The following ATRNL1 variants were observed in gnomAD, a reference collection of about 807,000 sequenced individuals.
ATRNL1 encodes attractin like 1.
In ATRNL1, 95 loss-of-function variants were observed where a neutral mutation model predicts 182.7. The observed-to-expected ratio is 0.52, with a 90% confidence interval of 0.44 to 0.62. ATRNL1 has a LOEUF of 0.62. ATRNL1 is among the 20% of genes least tolerant of loss of function. The probability of loss-of-function intolerance (pLI) is 0.00; values close to 1 mark genes in which losing one functional copy is unlikely to be tolerated. For missense variants in ATRNL1, 1,471 were observed against 1,679.5 expected (o/e 0.88, Z 2.17); for synonymous variants, 576 against 568.3 (o/e 1.01, Z -0.19).
chr10:115,160,273 C>CTT (rs1240378346), intron 6 of ATRNL1, 59 bp downstream of exon 6: 10 of 1,286,932 alleles, frequency 7.8e-6, no homozygotes, highest in East Asian at 2.8e-5. Flanking sequence ...TCCAAAATGT[C>CTT]TTTTTTTTTT....
intron 8 of ATRNL1, among the ~76,000 whole-genome samples, chr10:115,187,831 G>C (rs1402819844): frequency 1.3e-5 from 2 of 151,350 alleles, no homozygotes; most frequent in African/African-American, 4.8e-5. Flanking sequence ...ACAGGTGCGC[G>C]CCAGCATGCC....
chr10:115,620,100 C>T (rs782267527), intron 26 of ATRNL1, among the ~76,000 whole-genome samples: 37 of 152,136 alleles, frequency 2.4e-4, no homozygotes, highest in Middle Eastern at 3.2e-3. Flanking sequence ...AGTCTGTAGA[C>T]GTGTGACACT....
intron 19 of ATRNL1, among the ~76,000 whole-genome samples, chr10:115,335,470 G>A (rs1260556331): frequency 1.3e-5 from 2 of 152,170 alleles, no homozygotes; most frequent in Non-Finnish European, 2.9e-5. Flanking sequence ...GTTGTAGGGT[G>A]ATTCTTAGGT....
At chr10:115,855,759 C>G (rs919640011) in intron 28 of ATRNL1, among the ~76,000 whole-genome samples, 1 of 152,160 alleles carries the variant, frequency 6.6e-6, no homozygotes, top group African/African-American at 2.4e-5. Flanking sequence ...AAGCCCAAAA[C>G]TGTACTTTCA....
chr10:115,143,905 T>G (rs1564771151), intron 5 of ATRNL1, among the ~76,000 whole-genome samples: 2 of 152,032 alleles, frequency 1.3e-5, no homozygotes. Context: ...TACTATCACG[T>G]TGGGAGTTAG....
At chr10:115,756,899 C>T (rs1195224333) in intron 27 of ATRNL1, among the ~76,000 whole-genome samples, 1 of 152,124 alleles carries the variant, frequency 6.6e-6, no homozygotes, top group Non-Finnish European at 1.5e-5. Context: ...TTGCATTGAT[C>T]CCTTTACCAT....
chr10:115,390,450 T>C (rs1441043504), intron 19 of ATRNL1, among the ~76,000 whole-genome samples: 1 of 152,182 alleles, frequency 6.6e-6, no homozygotes, highest in East Asian at 1.9e-4. Context: ...CTTTTCTCCA[T>C]TGTGTGTTCT....
intron 10 of ATRNL1, among the ~76,000 whole-genome samples, chr10:115,261,383 T>C (rs1851386139): frequency 1.3e-5 from 2 of 152,154 alleles, no homozygotes; most frequent in Admixed American, 1.3e-4. Flanking sequence ...AGATGAAATC[T>C]AAGAAATGGA....
chr10:115,394,563 C>A, intron 19 of ATRNL1, 96 bp from the exon 20 acceptor site: 1 of 924,386 alleles, frequency 1.1e-6, no homozygotes, highest in Non-Finnish European at 1.7e-6. Context: ...GAGGAAGTTA[C>A]AGGACATAAA....
intron 27 of ATRNL1, among the ~76,000 whole-genome samples, chr10:115,769,330 C>T (rs1555075777): frequency 6.6e-6 from 1 of 152,076 alleles, no homozygotes; most frequent in Non-Finnish European, 1.5e-5. Flanking sequence ...ATTTTCATTT[C>T]CCTGAATATT....
chr10:115,105,922 C>G (rs1843989833), intron 1 of ATRNL1, among the ~76,000 whole-genome samples: 1 of 152,132 alleles, frequency 6.6e-6, no homozygotes, highest in African/African-American at 2.4e-5. Context: ...GGGGTTGGAG[C>G]CCCCACACAG....
chr10:115,711,268 G>T (rs1431277093), intron 26 of ATRNL1, among the ~76,000 whole-genome samples: 1 of 152,056 alleles, frequency 6.6e-6, no homozygotes, highest in East Asian at 1.9e-4. Context: ...AATACATTAA[G>T]GTATGCTGCC....
chr10:115,626,525 C>T (rs540788101), intron 26 of ATRNL1, among the ~76,000 whole-genome samples: 14 of 152,178 alleles, frequency 9.2e-5, no homozygotes, highest in South Asian at 8.3e-4. Context: ...AAGTTAATAC[C>T]ATAGATTTTC....
intron 24 of ATRNL1, among the ~76,000 whole-genome samples, chr10:115,517,938 A>T (rs1326127922): frequency 6.6e-6 from 1 of 151,788 alleles, no homozygotes. Flanking sequence ...CCTATAACCA[A>T]TCTCCTATGC....
chr10:115,488,739 A>G (rs923569063), intron 24 of ATRNL1, among the ~76,000 whole-genome samples: 2 of 151,690 alleles, frequency 1.3e-5, no homozygotes, highest in African/African-American at 2.4e-5. Context: ...TTCTGCCCTG[A>G]TCTTAGTTAT....
chr10:115,738,154 T>TTTTTC lies in ATRNL1; in HGVS notation c.3903+10801_3903+10802insTTCTT, dbSNP rs71010046. Among the ~76,000 whole-genome samples the TTTTTC allele has an allele frequency of 8.0e-4, 51 of 63,912 alleles. 1 individual carries two copies. The highest frequency in any genetic ancestry group is 2.7e-3 in the South Asian group (4 of 1,476). The allele number at this position is 63,912 out of a possible 152,430, so 41.9% of individuals were successfully genotyped here. On this transcript the variant is annotated intron_variant, in intron 27 of 28. Coordinates refer to ENST00000355044, the MANE Select transcript of ATRNL1 (RefSeq NM_207303.4). ...TTTTTTTTTTTTTTTTTTTTTTTTTTTTGAGATGGAGTCCTGCTCTGTCGC... is the reference window on the plus strand; with the variant it reads ...TTTTTTTTTTTTTTTTTTTTTTTTTTTTTTCTTGAGATGGAGTCCTGCTCTGTCGC...
At chr10:115,822,237 C>G (rs879997917) in intron 27 of ATRNL1, among the ~76,000 whole-genome samples, 1 of 152,066 alleles carries the variant, frequency 6.6e-6, no homozygotes, top group South Asian at 2.1e-4. Context: ...CCAATGAGAA[C>G]AAGAACACAA....
At chr10:115,603,844 G>A (rs1162958907) in intron 26 of ATRNL1, among the ~76,000 whole-genome samples, 2 of 152,092 alleles carry the variant, frequency 1.3e-5, no homozygotes, top group African/African-American at 4.8e-5. Context: ...CAGATAGGCT[G>A]GCAACAGATT....
At chr10:115,174,460 T>C (rs1396753442) in intron 8 of ATRNL1, among the ~76,000 whole-genome samples, 2 of 151,810 alleles carry the variant, frequency 1.3e-5, no homozygotes, top group African/African-American at 4.8e-5. Flanking sequence ...GATACAGTTT[T>C]CCACTGTTTT....
Sources: gnomAD v4.1 joint callset for allele counts (sites outside exome capture counted in the v4.1 genomes callset) on GRCh38, gnomAD v4.1.1 for gene constraint, MANE v1.5 for transcripts, NCBI Gene and HGNC (gene_info 2026-07-23, HGNC 2026-07-21) for gene names.